Variants in LOC128706665 observed in about 807,000 individuals in gnomAD.
At chr20:10,420,985 T>C in the LOC128706665 span, among the ~76,000 whole-genome samples, 2 of 152,232 alleles carry the variant, frequency 1.3e-5, no homozygotes, top group Non-Finnish European at 2.9e-5. Flanking sequence ...ATACTGACTT[T>C]TTGGCAACAA....
At chr20:10,433,489 C>T in the LOC128706665 span, among the ~76,000 whole-genome samples, 11 of 152,164 alleles carry the variant, frequency 7.2e-5, no homozygotes, top group Non-Finnish European at 1.3e-4. Flanking sequence ...TATGGATAAA[C>T]TGAAGATGTT....
the LOC128706665 span, among the ~76,000 whole-genome samples, chr20:10,422,242 G>A: frequency 6.6e-6 from 1 of 151,960 alleles, no homozygotes; most frequent in Non-Finnish European, 1.5e-5. Flanking sequence ...TTAATTACTA[G>A]ATAGAGGAAA....
the LOC128706665 span, among the ~76,000 whole-genome samples, chr20:10,414,199 T>C: frequency 3.3e-5 from 5 of 151,926 alleles, no homozygotes; most frequent in African/African-American, 9.7e-5. Context: ...AGCACAGTTA[T>C]TTGAATATGG....
At chr20:10,418,369 A>G in the LOC128706665 span, among the ~76,000 whole-genome samples, 1 of 152,242 alleles carries the variant, frequency 6.6e-6, no homozygotes, top group African/African-American at 2.4e-5. Flanking sequence ...AGGGCTCAAT[A>G]TACTATCCTC....
chr20:10,415,918 G>A, the LOC128706665 span, among the ~76,000 whole-genome samples: 37 of 152,116 alleles, frequency 2.4e-4, 2 homozygotes, highest in East Asian at 5.8e-4. Context: ...TTTTAAAGAT[G>A]CCAAAACTTG....
the LOC128706665 span, among the ~76,000 whole-genome samples, chr20:10,417,479 C>T: frequency 3.3e-5 from 5 of 152,082 alleles, no homozygotes; most frequent in Middle Eastern, 3.2e-3. Context: ...GGTGTGGTGG[C>T]GGATGCCTAT....
chr20:10,426,458 C>A, the LOC128706665 span, among the ~76,000 whole-genome samples: 3 of 152,156 alleles, frequency 2.0e-5, no homozygotes, highest in Non-Finnish European at 4.4e-5. Flanking sequence ...CAAGGGGGAG[C>A]GTAGTGGTGT....
chr20:10,425,461 T>G, the LOC128706665 span, among the ~76,000 whole-genome samples: 1 of 152,234 alleles, frequency 6.6e-6, no homozygotes, highest in Non-Finnish European at 1.5e-5. Context: ...ATTAACTCAT[T>G]TTTCAAATGA....
the LOC128706665 span, among the ~76,000 whole-genome samples, chr20:10,414,777 G>C: frequency 2.0e-5 from 3 of 152,100 alleles, no homozygotes; most frequent in Non-Finnish European, 2.9e-5. Flanking sequence ...TCTATATTTA[G>C]CTGAATAATT....
the LOC128706665 span, among the ~76,000 whole-genome samples, chr20:10,423,563 A>G: frequency 6.6e-6 from 1 of 152,216 alleles, no homozygotes; most frequent in Non-Finnish European, 1.5e-5. Flanking sequence ...GTGTTGTACT[A>G]TTCTCTCCAG....
the LOC128706665 span, chr20:10,413,708 T>C: frequency 1.6e-6 from 1 of 627,700 alleles, no homozygotes; most frequent in Non-Finnish European, 2.8e-6. Flanking sequence ...TAATGACAAA[T>C]TAGTAATTCC....
At chr20:10,432,899 T>G in the LOC128706665 span, among the ~76,000 whole-genome samples, 1 of 151,986 alleles carries the variant, frequency 6.6e-6, no homozygotes, top group Non-Finnish European at 1.5e-5. Flanking sequence ...TAATACAACG[T>G]TAAATGCTAT....
At chr20:10,421,627 A>G in the LOC128706665 span, among the ~76,000 whole-genome samples, 1 of 152,058 alleles carries the variant, frequency 6.6e-6, no homozygotes, top group Non-Finnish European at 1.5e-5. Flanking sequence ...ATGTAATGCC[A>G]TTTCCACATT....
chr20:10,414,794 A>C, the LOC128706665 span, among the ~76,000 whole-genome samples: 2 of 152,264 alleles, frequency 1.3e-5, no homozygotes, highest in East Asian at 1.9e-4. Flanking sequence ...AATTCTGCAC[A>C]ACACATTGTA....
the LOC128706665 span, among the ~76,000 whole-genome samples, chr20:10,427,029 G>GTCACACACACAGAC: frequency 7.6e-6 from 1 of 130,724 alleles, no homozygotes; most frequent in Non-Finnish European, 1.6e-5. Flanking sequence ...AGAAAACACT[G>GTCACACACACAGAC]ACACACACAC....
chr20:10,417,095 C>CA, the LOC128706665 span, among the ~76,000 whole-genome samples: 1 of 151,712 alleles, frequency 6.6e-6, no homozygotes. Flanking sequence ...TAAAAAAATA[C>CA]AAAAAACTAG....
At chr20:10,430,908 AAAC>A in the LOC128706665 span, among the ~76,000 whole-genome samples, 2 of 152,234 alleles carry the variant, frequency 1.3e-5, no homozygotes, top group East Asian at 1.9e-4. Flanking sequence ...TGTTGGTCTG[AAAC>A]AACGTTTTAC....
the LOC128706665 span, among the ~76,000 whole-genome samples, chr20:10,424,778 A>G: frequency 1.3e-5 from 2 of 152,110 alleles, no homozygotes; most frequent in Non-Finnish European, 2.9e-5. Flanking sequence ...AGAGCAGGGC[A>G]CGGTGGCTCA....
At chr20:10,429,979 T>C in the LOC128706665 span, among the ~76,000 whole-genome samples, 2 of 152,200 alleles carry the variant, frequency 1.3e-5, no homozygotes, top group African/African-American at 4.8e-5. Context: ...ACTGTTCTAG[T>C]CTACATCCAC....
Sources: gnomAD v4.1 joint callset for allele counts (sites outside exome capture counted in the v4.1 genomes callset) on GRCh38, gnomAD v4.1.1 for gene constraint, MANE v1.5 for transcripts.